Variants in DOK6 observed in about 807,000 individuals in gnomAD.
DOK6 encodes downstream of tyrosine kinase 6.
A neutral mutation model predicts 44.0 loss-of-function variants in DOK6; 22 were observed. That is an observed-to-expected ratio of 0.50 (90% CI 0.36 to 0.71). The LOEUF is 0.71. Ranked by LOEUF, DOK6 falls within the 30% of genes least tolerant of loss-of-function variation. The pLI is 0.00. For missense variants in DOK6, 340 were observed against 416.4 expected (o/e 0.82, Z 1.60); for synonymous variants, 166 against 145.5 (o/e 1.14, Z -1.01).
Position 69,478,917 on chromosome 18 carries a change from G to A in DOK6, c.66+77607G>A, listed in dbSNP as rs1028213992. On this transcript the variant is annotated intron_variant, in intron 1 of 7. Coordinates refer to ENST00000382713, the MANE Select transcript of DOK6 (RefSeq NM_152721.6). ...TTCTTAAATTTAGTACAGGTTTTCA[G>A]TTATAGAAAAAGACCACCAGATTGT... Among the ~76,000 whole-genome samples, 101 of 152,196 alleles carry A rather than the reference G, an allele frequency of 6.6e-4. 1 individual carries two copies. Among genetic ancestry groups the A allele is most frequent in the African/African-American group, 2.3e-3 (95 of 41,548 alleles).
At chr18:69,743,417 CAG>C (rs1237652836) in intron 6 of DOK6, among the ~76,000 whole-genome samples, 1 of 152,110 alleles carries the variant, frequency 6.6e-6, no homozygotes, top group Non-Finnish European at 1.5e-5. Flanking sequence ...AGCCACTCAT[CAG>C]AAACTGTATC....
chr18:69,401,422 C>CGGCCCTTAGGCGGAT (rs1916097301), intron 1 of DOK6, 112 bp downstream of exon 1: 1 of 1,219,332 alleles, frequency 8.2e-7, no homozygotes, highest in Non-Finnish European at 1.1e-6. Context: ...GAGAGGGACC[C>CGGCCCTTAGGCGGAT]GGCCCTTAGG....
At chr18:69,504,160 C>A (rs1981121607) in intron 1 of DOK6, among the ~76,000 whole-genome samples, 1 of 151,874 alleles carries the variant, frequency 6.6e-6, no homozygotes, top group Non-Finnish European at 1.5e-5. Flanking sequence ...TTTGTCTAGG[C>A]AGCTAGATGA....
intron 7 of DOK6, among the ~76,000 whole-genome samples, chr18:69,771,561 T>G (rs1438491283): frequency 6.6e-6 from 1 of 152,022 alleles, no homozygotes; most frequent in Non-Finnish European, 1.5e-5. Context: ...GAATTGATTT[T>G]TTTTCAATCA....
intron 1 of DOK6, among the ~76,000 whole-genome samples, chr18:69,436,946 A>T (rs1024197213): frequency 2.0e-5 from 3 of 152,212 alleles, no homozygotes; most frequent in Non-Finnish European, 4.4e-5. Flanking sequence ...TGTTGCCTGC[A>T]TAAACGTCTT....
Position 69,677,934 on chromosome 18 carries a change from G to A in DOK6, c.409+81G>A. The A allele has an allele frequency of 3.3e-6, 5 of 1,508,950 alleles. No individual in the cohort carries two copies. The South Asian group carries it at 6.3e-5, about 19-fold the overall frequency. 93.5% of individuals were successfully genotyped at this position (1,508,950 alleles called of 1,614,324 possible). On this transcript the variant is annotated intron_variant, in intron 4 of 7. Transcript: ENST00000382713. ...TGAAACTGGAAAGGATCTCAGAAAT[G>A]TTTCAGACCAATCATATTTTTTAAA...
At chr18:69,664,705 C>T (rs1409027198) in intron 3 of DOK6, among the ~76,000 whole-genome samples, 2 of 152,148 alleles carry the variant, frequency 1.3e-5, no homozygotes, top group East Asian at 1.9e-4. Flanking sequence ...GAAAATATTT[C>T]GCTTACTTTT....
At chr18:69,446,835 G>T (rs564928885) in intron 1 of DOK6, among the ~76,000 whole-genome samples, 20 of 152,246 alleles carry the variant, frequency 1.3e-4, no homozygotes, top group South Asian at 2.1e-4. Flanking sequence ...TCATGTGTCT[G>T]TTGGCTGCAT....
At chr18:69,493,618 CA>C (rs1980800144) in intron 1 of DOK6, among the ~76,000 whole-genome samples, 1 of 152,110 alleles carries the variant, frequency 6.6e-6, no homozygotes, top group African/African-American at 2.4e-5. Flanking sequence ...CAATAATTAT[CA>C]TTTTTTTCAA....
chr18:69,748,811 C>G (rs527890599), intron 6 of DOK6, among the ~76,000 whole-genome samples: 20 of 152,216 alleles, frequency 1.3e-4, no homozygotes, highest in Admixed American at 5.9e-4. Flanking sequence ...CTGGATGTAT[C>G]CCCAAAGGAA....
chr18:69,425,255 A>G (rs1439689443), intron 1 of DOK6, among the ~76,000 whole-genome samples: 1 of 151,872 alleles, frequency 6.6e-6, no homozygotes, highest in African/African-American at 2.4e-5. Context: ...TTTATTATAT[A>G]TATTTATGTT....
intron 3 of DOK6, among the ~76,000 whole-genome samples, chr18:69,669,368 TC>T (rs1211144259): frequency 1.3e-5 from 2 of 152,200 alleles, no homozygotes; most frequent in Non-Finnish European, 2.9e-5. Context: ...GTTCTCTGTT[TC>T]TGCATTAATT....
chr18:69,661,119 C>G (rs1159945921), intron 3 of DOK6: 1 of 152,122 alleles, frequency 6.6e-6, no homozygotes, highest in Non-Finnish European at 1.5e-5. Context: ...AATACCATAC[C>G]CTGGATGCTT....
At chr18:69,687,100 C>T (rs1986169819) in intron 4 of DOK6, among the ~76,000 whole-genome samples, 2 of 152,044 alleles carry the variant, frequency 1.3e-5, no homozygotes, top group Non-Finnish European at 2.9e-5. Context: ...TGAAACCAGA[C>T]CAAGTTTATA....
At chr18:69,605,758 T>G (rs1257603075) in intron 3 of DOK6, among the ~76,000 whole-genome samples, 1 of 152,060 alleles carries the variant, frequency 6.6e-6, no homozygotes, top group Non-Finnish European at 1.5e-5. Context: ...ATAAAGAACA[T>G]CTGCAGAAAC....
intron 3 of DOK6, among the ~76,000 whole-genome samples, chr18:69,669,833 AT>A (rs1386644351): frequency 6.6e-6 from 1 of 152,124 alleles, no homozygotes; most frequent in Non-Finnish European, 1.5e-5. Context: ...CCTTATATAT[AT>A]TTCTCATTGC....
At chr18:69,661,148 T>C (rs1241216417) in intron 3 of DOK6, 1 of 152,248 alleles carries the variant, frequency 6.6e-6, no homozygotes, top group Non-Finnish European at 1.5e-5. Context: ...CAGAAATGTA[T>C]GTCTCCCAGT....
At chr18:69,647,402 A>C (rs1985112552) in intron 3 of DOK6, 2 of 152,256 alleles carry the variant, frequency 1.3e-5, no homozygotes, top group Non-Finnish European at 1.5e-5. Context: ...TCATTATCCT[A>C]CAGGACCCTG....
At chr18:69,756,366 T>C (rs1250655614) in intron 6 of DOK6, among the ~76,000 whole-genome samples, 1 of 152,156 alleles carries the variant, frequency 6.6e-6, no homozygotes, top group African/African-American at 2.4e-5. Context: ...AGGAAAACTT[T>C]GAAGTCTACC....
Sources: allele counts gnomAD v4.1 joint callset (sites outside exome capture counted in the v4.1 genomes callset), GRCh38; gene constraint gnomAD v4.1.1; transcripts MANE v1.5; gene names NCBI Gene and HGNC (gene_info 2026-07-23, HGNC 2026-07-21).